Variants in STPG2 observed in about 807,000 individuals in gnomAD.
STPG2 encodes the protein sperm-tail PG-rich repeat-containing protein 2.
STPG2 carries 56 observed loss-of-function variants against 54.2 expected under a neutral mutation model. The observed-to-expected ratio is 1.03, with a 90% CI of 0.83 to 1.29. STPG2 has a LOEUF of 1.29. Among genes scored for constraint, STPG2 ranks in the 50% most tolerant of loss-of-function variants. The pLI, the probability that STPG2 is intolerant of heterozygous loss-of-function variation, is 0.00. For synonymous variants in STPG2, 200 were observed against 181.8 expected, an observed-to-expected ratio of 1.10 and a Z score of -0.81; for missense variants, 596 against 544.9, an observed-to-expected ratio of 1.09 and a Z score of -0.93.
intron 4 of STPG2, among the ~76,000 whole-genome samples, chr4:97,521,290 G>C (rs1731175714): frequency 6.6e-6 from 1 of 151,924 alleles, no homozygotes; most frequent in Non-Finnish European, 1.5e-5. Context: ...GAAGATCAAA[G>C]AATTTTAAGA....
chr4:97,795,497 T>A (rs1325651794), intron 9 of STPG2, among the ~76,000 whole-genome samples: 1 of 152,230 alleles, frequency 6.6e-6, no homozygotes, highest in Non-Finnish European at 1.5e-5. Flanking sequence ...GTTTCCAGCT[T>A]CATCCATGTC....
At chr4:98,067,365 T>C (rs900229545) in intron 5 of STPG2, among the ~76,000 whole-genome samples, 5 of 152,184 alleles carry the variant, frequency 3.3e-5, no homozygotes, top group African/African-American at 1.2e-4. Flanking sequence ...ATAGTTCCTA[T>C]ATATTCAATT....
chr4:97,975,507 T>C (rs1734468696), intron 6 of STPG2, among the ~76,000 whole-genome samples: 1 of 152,210 alleles, frequency 6.6e-6, no homozygotes, highest in African/African-American at 2.4e-5. Context: ...TTTAGGTTCA[T>C]ATATTTTTCA....
chr4:97,647,653 T>C (rs1721948380), intron 10 of STPG2, among the ~76,000 whole-genome samples: 1 of 152,082 alleles, frequency 6.6e-6, no homozygotes, highest in South Asian at 2.1e-4. Context: ...CAAGCACAAT[T>C]TGAGGATGGT....
chr4:98,138,684 C>G (rs1364295542), intron 1 of STPG2, among the ~76,000 whole-genome samples: 1 of 152,068 alleles, frequency 6.6e-6, no homozygotes, highest in Non-Finnish European at 1.5e-5. Context: ...TTCCCTGATG[C>G]AGCTATATTC....
intron 10 of STPG2, among the ~76,000 whole-genome samples, chr4:97,630,916 T>C (rs1721254935): frequency 6.6e-6 from 1 of 151,916 alleles, no homozygotes; most frequent in Non-Finnish European, 1.5e-5. Flanking sequence ...AAAACATTTA[T>C]AAAATGGACT....
chr4:97,457,744 A>G (rs1356793226), intron 4 of STPG2, among the ~76,000 whole-genome samples: 2 of 152,240 alleles, frequency 1.3e-5, no homozygotes, highest in African/African-American at 2.4e-5. Flanking sequence ...TGAAAGTAGA[A>G]TAAGTATATG....
At chr4:97,576,447 C>T (rs1161401160) in intron 10 of STPG2, among the ~76,000 whole-genome samples, 1 of 151,728 alleles carries the variant, frequency 6.6e-6, no homozygotes, top group Non-Finnish European at 1.5e-5. Context: ...AATAGAGAAC[C>T]CAGAAATAAA....
intron 8 of STPG2, among the ~76,000 whole-genome samples, chr4:97,925,396 T>C (rs528327878): frequency 6.6e-6 from 1 of 152,336 alleles, no homozygotes; most frequent in African/African-American, 2.4e-5. Flanking sequence ...AAAAAATTTA[T>C]AAAAAGTTTA....
At chr4:97,758,686 A>G (rs1289388009) in intron 9 of STPG2, among the ~76,000 whole-genome samples, 2 of 152,056 alleles carry the variant, frequency 1.3e-5, no homozygotes, top group Non-Finnish European at 1.5e-5. Context: ...AGGGCTTAAA[A>G]CCTAGATGAT....
chr4:97,827,563 A>T (rs929440619), intron 9 of STPG2, among the ~76,000 whole-genome samples: 2 of 152,134 alleles, frequency 1.3e-5, no homozygotes, highest in African/African-American at 4.8e-5. Flanking sequence ...CAAGTAAAGT[A>T]TACTCCTGTG....
chr4:97,903,633 T>A (rs893707455), intron 8 of STPG2, among the ~76,000 whole-genome samples: 1 of 152,120 alleles, frequency 6.6e-6, no homozygotes, highest in Non-Finnish European at 1.5e-5. Flanking sequence ...TAGCAACAGC[T>A]CCCAGCGTGA....
At chr4:97,938,962 C>G (rs1326248340) in intron 8 of STPG2, among the ~76,000 whole-genome samples, 1 of 151,958 alleles carries the variant, frequency 6.6e-6, no homozygotes, top group Non-Finnish European at 1.5e-5. Context: ...ATGAATTTTC[C>G]TCTTAACACT....
chr4:97,564,678 C>T (rs1371860579), intron 10 of STPG2, among the ~76,000 whole-genome samples: 2 of 152,108 alleles, frequency 1.3e-5, no homozygotes, highest in Non-Finnish European at 2.9e-5. Context: ...TATTTTATTT[C>T]TCCTTCACTT....
intron 5 of STPG2, among the ~76,000 whole-genome samples, chr4:98,066,337 G>A (rs955302808): frequency 6.9e-5 from 7 of 101,142 alleles, no homozygotes; most frequent in Non-Finnish European, 1.1e-4. Flanking sequence ...GGACATTGTG[G>A]CTCACAACTG....
At chr4:97,862,617 G>C (rs999411940) in intron 8 of STPG2, among the ~76,000 whole-genome samples, 9 of 151,912 alleles carry the variant, frequency 5.9e-5, no homozygotes, top group Admixed American at 2.0e-4. Flanking sequence ...CTGCAGAACG[G>C]TCCACCCCAA....
intron 10 of STPG2, among the ~76,000 whole-genome samples, chr4:97,590,638 G>GACACACACACACAC (rs5860506): frequency 1.4e-4 from 19 of 138,604 alleles, no homozygotes; most frequent in East Asian, 6.5e-4. Flanking sequence ...CAGACACACA[G>GACACACACACACAC]ACACACACAC....
chr4:97,525,164 A>G (rs923651886), intron 4 of STPG2, among the ~76,000 whole-genome samples: 1 of 151,854 alleles, frequency 6.6e-6, no homozygotes, highest in Non-Finnish European at 1.5e-5. Flanking sequence ...CAAAAGCACA[A>G]CCATAAATAT....
At chr4:97,831,987 A>T (rs1425189098) in intron 9 of STPG2, among the ~76,000 whole-genome samples, 1 of 152,176 alleles carries the variant, frequency 6.6e-6, no homozygotes, top group Non-Finnish European at 1.5e-5. Flanking sequence ...TGCAAACAAT[A>T]GAAAAGAAGG....
Sources: allele counts gnomAD v4.1 joint callset (sites outside exome capture counted in the v4.1 genomes callset), GRCh38; gene constraint gnomAD v4.1.1; transcripts MANE v1.5; gene names NCBI Gene and HGNC (gene_info 2026-07-23, HGNC 2026-07-21).